DLGAP2: variants seen among roughly 807,000 people sequenced by gnomAD.
DLGAP2 encodes the protein disks large-associated protein 2.
In DLGAP2, 26 loss-of-function variants were observed where a neutral mutation model predicts 100.3. The ratio of observed to expected loss-of-function variants is 0.26; its 90% CI spans 0.19 to 0.36. The LOEUF (loss-of-function observed/expected upper bound fraction) is 0.36, where lower values mean the gene tolerates loss of function less well. Ranked by LOEUF, DLGAP2 falls within the 10% of genes least tolerant of loss-of-function variation. DLGAP2 has a pLI of 1.00. For missense variants in DLGAP2, 1,858 were observed against 1,453.2 expected (o/e 1.28, Z -4.53); for synonymous variants, 886 against 630.1 (o/e 1.41, Z -6.08).
chr8:1,274,737 G>A lies in DLGAP2; in HGVS notation c.106+15854G>A, dbSNP rs115060040. Among the ~76,000 whole-genome samples the A allele has an allele frequency of 5.8e-3, 728 of 124,916 alleles. 20 individuals are homozygous for A. The highest frequency in any genetic ancestry group is 0.021 in the African/African-American group (680 of 31,896). The allele number at this position is 124,916 out of a possible 152,430, so 81.9% of individuals were successfully genotyped here. A position where few individuals can be genotyped will look rare whatever the true frequency, so the allele number is the denominator to read the frequency against. On this transcript the variant is annotated intron_variant, in intron 3 of 14. Transcript: ENST00000637795. Reference sequence around the variant, plus strand: ...TTTTTTTTTTTTTGCCGTAATTGTGGTCAAGCTGAACTAAAGCTAAGAATT... The same window carrying A: ...TTTTTTTTTTTTTGCCGTAATTGTGATCAAGCTGAACTAAAGCTAAGAATT...
chr8:950,685 G>T (rs1480463969), intron 2 of DLGAP2, among the ~76,000 whole-genome samples: 2 of 146,798 alleles, frequency 1.4e-5, no homozygotes, highest in African/African-American at 5.1e-5. Context: ...GTAGTGGCAC[G>T]ATCTTGGCTC....
chr8:1,017,985 A>T (rs945193395), intron 2 of DLGAP2, among the ~76,000 whole-genome samples: 1 of 152,168 alleles, frequency 6.6e-6, no homozygotes, highest in Non-Finnish European at 1.5e-5. Flanking sequence ...AGTGTACCCC[A>T]CAACCTGAAC....
At chr8:801,489 C>T (rs1334056528) in intron 1 of DLGAP2, among the ~76,000 whole-genome samples, 4 of 152,176 alleles carry the variant, frequency 2.6e-5, no homozygotes, top group African/African-American at 9.7e-5. Context: ...AGAGCATGTG[C>T]GTTAATGAAG....
intron 1 of DLGAP2, among the ~76,000 whole-genome samples, chr8:809,972 CAAGG>C (rs1796342102): frequency 6.6e-6 from 1 of 152,222 alleles, no homozygotes; most frequent in South Asian, 2.1e-4. Context: ...GGACTGCGGT[CAAGG>C]CCCTCAGCTC....
intron 3 of DLGAP2, among the ~76,000 whole-genome samples, chr8:1,420,626 T>A (rs1797064449): frequency 6.6e-6 from 1 of 152,204 alleles, no homozygotes; most frequent in Non-Finnish European, 1.5e-5. Flanking sequence ...GGGTCAAGGT[T>A]TCACACTGTC....
At chr8:1,253,244 C>T (rs148911693) in intron 2 of DLGAP2, among the ~76,000 whole-genome samples, 14 of 152,346 alleles carry the variant, frequency 9.2e-5, no homozygotes, top group Admixed American at 3.3e-4. Context: ...GTGTCCACCA[C>T]GCAGGGCTGC....
intron 3 of DLGAP2, among the ~76,000 whole-genome samples, chr8:1,372,260 G>A (rs553567544): frequency 4.6e-5 from 7 of 152,158 alleles, no homozygotes; most frequent in East Asian, 1.9e-4. Context: ...GCTGGTCACC[G>A]TGCTGCCAAC....
intron 1 of DLGAP2, among the ~76,000 whole-genome samples, chr8:818,151 C>G (rs1796519943): frequency 6.6e-6 from 1 of 152,170 alleles, no homozygotes; most frequent in African/African-American, 2.4e-5. Context: ...TGAGCTCAGA[C>G]TCTCCTTGGG....
intron 2 of DLGAP2, among the ~76,000 whole-genome samples, chr8:1,031,343 A>G (rs933896603): frequency 6.6e-6 from 1 of 151,668 alleles, no homozygotes; most frequent in African/African-American, 2.4e-5. Context: ...CATGTTAGTT[A>G]CAGTTGGGAA....
chr8:1,193,914 G>T (rs1474456972), intron 2 of DLGAP2, among the ~76,000 whole-genome samples: 1 of 152,142 alleles, frequency 6.6e-6, no homozygotes, highest in Admixed American at 6.6e-5. Context: ...AGGAGGAGCC[G>T]CTGGAGGGAC....
rs1490605979 is a variant in DLGAP2, at chr8:1,683,846, ATATATATATATGTGTG to A, written c.2704+5219_2704+5234del. Among the ~76,000 whole-genome samples the A allele has an allele frequency of 1.5e-4, 10 of 68,908 alleles. No individual in the cohort carries two copies. In the East Asian group the frequency reaches 2.0e-3, roughly 14 times the overall value. 45.2% of individuals were successfully genotyped at this position (68,908 alleles called of 152,430 possible). A position where few individuals can be genotyped will look rare whatever the true frequency, so the allele number is the denominator to read the frequency against. On this transcript the variant is annotated intron_variant, in intron 12 of 14. Coordinates refer to ENST00000637795, the MANE Select transcript of DLGAP2 (RefSeq NM_001346810.2). Reference sequence around the variant, plus strand: ...TGTCTTTGCTCCACTATATATATATATATATATATATGTGTGTGTGTGTGTGTGTGTGTGTGTGTGT... The same window carrying A: ...TGTCTTTGCTCCACTATATATATATATGTGTGTGTGTGTGTGTGTGTGTGT...
intron 2 of DLGAP2, among the ~76,000 whole-genome samples, chr8:1,183,998 G>T (rs776752203): frequency 2.0e-5 from 3 of 152,154 alleles, no homozygotes; most frequent in Non-Finnish European, 4.4e-5. Context: ...CATTTCTGTA[G>T]CTTTTCACCA....
At chr8:1,662,716 T>C (rs1798436482) in intron 8 of DLGAP2, among the ~76,000 whole-genome samples, 1 of 152,252 alleles carries the variant, frequency 6.6e-6, no homozygotes, top group South Asian at 2.1e-4. Flanking sequence ...GTTCTGAAGC[T>C]TAATGAACTG....
At chr8:1,689,695 G>T (rs1047709917) in intron 12 of DLGAP2, among the ~76,000 whole-genome samples, 1 of 152,136 alleles carries the variant, frequency 6.6e-6, no homozygotes, top group Non-Finnish European at 1.5e-5. Context: ...ATGACGCCCC[G>T]TGAGCCAGCT....
intron 3 of DLGAP2, among the ~76,000 whole-genome samples, chr8:1,499,108 C>T (rs1305077757): frequency 6.6e-6 from 1 of 152,226 alleles, no homozygotes; most frequent in African/African-American, 2.4e-5. Context: ...CAAACGTCCC[C>T]ACTCCTCATT....
chr8:1,168,979 T>C lies in DLGAP2; in HGVS notation c.74-89872T>C, dbSNP rs374072263. Among the ~76,000 whole-genome samples the C allele has an allele frequency of 2.5e-3, 366 of 147,442 alleles. 10 individuals carry two copies. The South Asian group carries it at 0.04, about 16-fold the overall frequency. The stretch of plus-strand genomic sequence containing the variant: ...CCCATGCCTATGTCCTGAATGGTAT[T>C]GCCTAGGTTTTCTTCTAGGTTTTTT... On this transcript the variant is annotated intron_variant, in intron 2 of 14. Transcript: ENST00000637795.
At chr8:761,877 G>A (rs1585835553) in intron 1 of DLGAP2, among the ~76,000 whole-genome samples, 1 of 152,222 alleles carries the variant, frequency 6.6e-6, no homozygotes, top group African/African-American at 2.4e-5. Flanking sequence ...AGAGGGGATG[G>A]GGAAACGTTG....
intron 4 of DLGAP2, among the ~76,000 whole-genome samples, chr8:1,523,923 T>G (rs1156997276): frequency 2.6e-5 from 4 of 152,186 alleles, no homozygotes; most frequent in Non-Finnish European, 5.9e-5. Flanking sequence ...TGAGATAATC[T>G]TAAGCTGCTG....
At chr8:1,010,062 T>C (rs1032172697) in intron 2 of DLGAP2, among the ~76,000 whole-genome samples, 1 of 152,236 alleles carries the variant, frequency 6.6e-6, no homozygotes, top group Admixed American at 6.5e-5. Flanking sequence ...AATATCGTGG[T>C]ATCAGTGAGC....
Sources: allele counts gnomAD v4.1 joint callset (sites outside exome capture counted in the v4.1 genomes callset), GRCh38; gene constraint gnomAD v4.1.1; transcripts MANE v1.5; gene names NCBI Gene and HGNC (gene_info 2026-07-23, HGNC 2026-07-21).